Variants in GTPBP4 observed in about 807,000 individuals in gnomAD.
GTPBP4 encodes the protein GTP-binding protein 4.
In GTPBP4, 15 loss-of-function variants were observed where a neutral mutation model predicts 81.7. The observed-to-expected ratio is 0.18, with a 90% CI of 0.12 to 0.28. GTPBP4 has a LOEUF of 0.28. Among genes scored for constraint, GTPBP4 ranks in the 10% least tolerant of loss-of-function variants. The probability of loss-of-function intolerance (pLI) is 1.00; values close to 1 mark genes in which losing one functional copy is unlikely to be tolerated. For missense variants in GTPBP4, 847 were observed against 793.8 expected, an observed-to-expected ratio of 1.07 and a Z score of -0.81; for synonymous variants, 272 against 274.6, an observed-to-expected ratio of 0.99 and a Z score of 0.09.
intron 1 of GTPBP4, 68 bp downstream of exon 1, chr10:988,595 G>A: frequency 8.0e-7 from 1 of 1,251,412 alleles, no homozygotes; most frequent in Non-Finnish European, 1.2e-6. Flanking sequence ...GGGAGGGTCC[G>A]GGCCTGTAGC....
At chr10:1,002,028 A>T (rs575900733) in intron 8 of GTPBP4, among the ~76,000 whole-genome samples, 1 of 151,450 alleles carries the variant, frequency 6.6e-6, no homozygotes, top group Admixed American at 6.6e-5. Context: ...GGTTCAAGTG[A>T]TTCTCCTGCC....
At chr10:994,379 C>T (rs192345082) in intron 2 of GTPBP4, among the ~76,000 whole-genome samples, 11 of 152,244 alleles carry the variant, frequency 7.2e-5, no homozygotes, top group African/African-American at 2.6e-4. Flanking sequence ...AGCGATTCTC[C>T]CACCTCAGCC....
At chr10:992,437 C>CTCAAAAGTA (rs1296964176) in intron 1 of GTPBP4, 52 bp from the exon 2 acceptor site, 15 of 1,076,556 alleles carry the variant, frequency 1.4e-5, no homozygotes, top group Non-Finnish European at 1.9e-5. Flanking sequence ...AAATAAATGG[C>CTCAAAAGTA]TCAAAAGTAG....
At chr10:989,114 CT>C (rs869154759) in intron 1 of GTPBP4, among the ~76,000 whole-genome samples, 11,674 of 102,160 alleles carry the variant, frequency 0.11, 463 homozygotes, top group Non-Finnish European at 0.16. Context: ...AGTATTAGGA[CT>C]TTTTTTTTTT....
At chr10:1,014,558 C>T (rs963391860) in intron 15 of GTPBP4, among the ~76,000 whole-genome samples, 1 of 152,108 alleles carries the variant, frequency 6.6e-6, no homozygotes, top group Non-Finnish European at 1.5e-5. Context: ...ACTCAGGATG[C>T]TGAGGCAGGA....
chr10:1,003,392 C>T (rs1338405770), intron 8 of GTPBP4, among the ~76,000 whole-genome samples: 1 of 152,150 alleles, frequency 6.6e-6, no homozygotes, highest in Non-Finnish European at 1.5e-5. Context: ...TCTGGCAATT[C>T]ATTGATTTCC....
intron 4 of GTPBP4, 80 bp from the exon 5 acceptor site, chr10:997,128 C>A: frequency 1.2e-6 from 1 of 866,996 alleles, no homozygotes; most frequent in Non-Finnish European, 2.0e-6. Flanking sequence ...TAGGCCTGGA[C>A]TGTAACTAAG....
intron 11 of GTPBP4, 152 bp from the exon 12 acceptor site, chr10:1,009,377 G>C: frequency 1.5e-6 from 1 of 668,354 alleles, no homozygotes; most frequent in South Asian, 1.7e-5. Flanking sequence ...CAGACAGGGA[G>C]ATAAGAAACA....
chr10:1,007,734 C>T (rs77830257), intron 10 of GTPBP4, among the ~76,000 whole-genome samples: 7,756 of 152,272 alleles, frequency 0.051, 647 homozygotes, highest in African/African-American at 0.18. Context: ...GCTGCACTGA[C>T]GCTGGAGGCT....
At position 1,017,496 on chromosome 10, in the gene GTPBP4, C is replaced by G; in HGVS notation, c.*269C>G. 1 of 336,988 alleles carries G rather than the reference C, an allele frequency of 3.0e-6. No individual in the cohort carries two copies. The highest frequency in any genetic ancestry group is 4.7e-5 in the East Asian group (1 of 21,302). 20.9% of individuals were successfully genotyped at this position (336,988 alleles called of 1,614,324 possible). ...AGATTTTCAGAACTGGGAAGATTTA[C>G]TGGTTTAACTAGGTTGTTTTTGATG... On this transcript the variant is annotated 3_prime_UTR_variant, in exon 17 of 17. Coordinates refer to ENST00000360803, the MANE Select transcript of GTPBP4 (RefSeq NM_012341.3).
chr10:1,005,014 C>A (rs1340814982), intron 8 of GTPBP4, among the ~76,000 whole-genome samples: 1 of 152,186 alleles, frequency 6.6e-6, no homozygotes, highest in African/African-American at 2.4e-5. Flanking sequence ...TGTGGGTGTC[C>A]AGAGTGGTGG....
Position 1,016,738 on chromosome 10 carries a change from A to T in GTPBP4, c.1753-337A>T, listed in dbSNP as rs1465922052. Among the ~76,000 whole-genome samples the T allele has an allele frequency of 9.9e-5, 15 of 152,268 alleles. 1 individual carries two copies. Among genetic ancestry groups the T allele is most frequent in the Non-Finnish European group, 1.0e-4 (7 of 68,054 alleles). ...ATTTTCATCCAGTCTTTATACAAAA[A>T]TACTCATTGAGTTCCTGCAGATAAC... is the stretch of plus-strand genomic sequence containing the variant. On this transcript the variant is annotated intron_variant, in intron 16 of 16. Coordinates refer to ENST00000360803, the MANE Select transcript of GTPBP4 (RefSeq NM_012341.3).
intron 1 of GTPBP4, chr10:988,777 GC>G: frequency 2.0e-6 from 1 of 489,990 alleles, no homozygotes; most frequent in Non-Finnish European, 3.7e-6. Context: ...AAGACTGAGG[GC>G]CCCCAGAGAT....
At chr10:1,001,929 T>A (rs1287784702) in intron 8 of GTPBP4, among the ~76,000 whole-genome samples, 1 of 115,888 alleles carries the variant, frequency 8.6e-6, no homozygotes, top group African/African-American at 2.8e-5. Flanking sequence ...TATTTTATTT[T>A]TGTTTTTTTT....
intron 8 of GTPBP4, among the ~76,000 whole-genome samples, chr10:1,005,068 G>C (rs951602055): frequency 6.6e-6 from 1 of 152,184 alleles, no homozygotes; most frequent in Non-Finnish European, 1.5e-5. Flanking sequence ...ACCGTAGGGA[G>C]AACCTCCTCC....
At chr10:996,967 G>T (rs138403725) in intron 4 of GTPBP4, 32 of 479,350 alleles carry the variant, frequency 6.7e-5, no homozygotes, top group Non-Finnish European at 1.1e-4. Flanking sequence ...GAATTAAAAC[G>T]TGGGCTTAGA....
intron 14 of GTPBP4, 47 bp from the exon 15 acceptor site, chr10:1,014,200 T>C (rs754346433): frequency 9.7e-6 from 12 of 1,230,882 alleles, no homozygotes; most frequent in Non-Finnish European, 1.4e-5. Flanking sequence ...TTTTTCAACA[T>C]TTCATCAAAC....
In GTPBP4 at chr10:1,019,000, C is replaced by T. The variant is rs2170142; in HGVS notation, c.*1773C>T. ...TAAACGTCGAGTCACTTGGCTGAGA[C>T]CATACGCATCTTCCGTACTGCTTGT... On this transcript the variant is annotated 3_prime_UTR_variant, in exon 17 of 17. Transcript: ENST00000360803. The T allele has an allele frequency of 0.77, 118,151 of 153,540 alleles. 45,612 individuals are homozygous for T. The highest frequency in any genetic ancestry group is 0.82 in the Non-Finnish European group (56,540 of 69,080). The allele number at this position is 153,540 out of a possible 1,614,324, so 9.5% of individuals were successfully genotyped here. A position where few individuals can be genotyped will look rare whatever the true frequency, so the allele number is the denominator to read the frequency against.
intron 2 of GTPBP4, among the ~76,000 whole-genome samples, chr10:994,967 A>G (rs192615416): frequency 6.6e-6 from 1 of 152,298 alleles, no homozygotes; most frequent in African/African-American, 2.4e-5. Context: ...AGTAGGGAGT[A>G]TCTGTGCGGG....
Sources: gnomAD v4.1 joint callset for allele counts (sites outside exome capture counted in the v4.1 genomes callset) on GRCh38, gnomAD v4.1.1 for gene constraint, MANE v1.5 for transcripts, NCBI Gene and HGNC (gene_info 2026-07-23, HGNC 2026-07-21) for gene names.